Variants in NXPE2 observed in about 807,000 individuals in gnomAD.
NXPE2 encodes the protein NXPE family member 2.
Under a neutral mutation model 34.4 loss-of-function variants are expected in NXPE2, and 34 were observed. The observed-to-expected ratio is 0.99, with a 90% CI of 0.75 to 1.31. The LOEUF (loss-of-function observed/expected upper bound fraction) is 1.31, where lower values mean the gene tolerates loss of function less well. Ranked by LOEUF, NXPE2 falls within the 40% of genes most tolerant of loss-of-function variation. The pLI is 0.00. For synonymous variants in NXPE2, 235 were observed against 231.3 expected, an observed-to-expected ratio of 1.02 and a Z score of -0.15; for missense variants, 649 against 672.5, an observed-to-expected ratio of 0.97 and a Z score of 0.39.
At chr11:114,592,958 A>C in the NXPE2 span, among the ~76,000 whole-genome samples, 1 of 152,270 alleles carries the variant, frequency 6.6e-6, no homozygotes, top group South Asian at 2.1e-4. Context: ...GGTGCTGGAG[A>C]AACTGAATAT....
chr11:114,577,008 G>C, the NXPE2 span, among the ~76,000 whole-genome samples: 8 of 10,442 alleles, frequency 7.7e-4, no homozygotes, highest in Non-Finnish European at 1.3e-3. Context: ...TATATATAAA[G>C]TTATATATAT....
the NXPE2 span, chr11:114,522,517 A>G: frequency 1.6e-5 from 25 of 1,557,144 alleles, no homozygotes; most frequent in Non-Finnish European, 2.2e-5. Flanking sequence ...ATAAAAAAAC[A>G]AATAGATGTT....
chr11:114,535,630 A>G, the NXPE2 span, among the ~76,000 whole-genome samples: 1 of 152,224 alleles, frequency 6.6e-6, no homozygotes, highest in Non-Finnish European at 1.5e-5. Context: ...AGGGATTGCA[A>G]TCCTAGTCTC....
chr11:114,615,458 G>A, the NXPE2 span, among the ~76,000 whole-genome samples: 1 of 152,002 alleles, frequency 6.6e-6, no homozygotes, highest in African/African-American at 2.4e-5. Context: ...GTTACCCAGT[G>A]GATAATAAGT....
the NXPE2 span, among the ~76,000 whole-genome samples, chr11:114,651,561 G>A: frequency 6.6e-6 from 1 of 152,172 alleles, no homozygotes; most frequent in African/African-American, 2.4e-5. Flanking sequence ...GGCTTTGCTG[G>A]CCAGCCTTTA....
chr11:114,551,360 A>C, the NXPE2 span: 1 of 1,412,900 alleles, frequency 7.1e-7, no homozygotes, highest in South Asian at 1.6e-5. Context: ...CTAACAACTC[A>C]TACCCCCAAT....
chr11:114,633,845 A>G, the NXPE2 span, among the ~76,000 whole-genome samples: 11 of 152,010 alleles, frequency 7.2e-5, no homozygotes, highest in African/African-American at 2.4e-4. Flanking sequence ...GTGCCACATT[A>G]TCTTAATCCA....
At chr11:114,771,419 G>A in the NXPE2 span, among the ~76,000 whole-genome samples, 1 of 150,588 alleles carries the variant, frequency 6.6e-6, no homozygotes, top group Admixed American at 6.6e-5. Context: ...GTTGTTTTCA[G>A]CATCAGCTCA....
At chr11:114,698,840 T>C (rs1300628729) in intron 3 of NXPE2, 62 bp downstream of exon 3, 1 of 1,413,478 alleles carries the variant, frequency 7.1e-7, no homozygotes, top group South Asian at 1.5e-5. Context: ...CTCTGCCTAG[T>C]AGTTTTGCCT....
the NXPE2 span, among the ~76,000 whole-genome samples, chr11:114,712,423 T>TA: frequency 6.6e-6 from 1 of 151,472 alleles, no homozygotes; most frequent in African/African-American, 2.4e-5. Flanking sequence ...CCAGAATATG[T>TA]AAAAAAACAA....
the NXPE2 span, among the ~76,000 whole-genome samples, chr11:114,516,574 T>C: frequency 5.5e-4 from 83 of 152,100 alleles, no homozygotes; most frequent in Admixed American, 1.2e-3. Context: ...GCAAGCCTTA[T>C]TATTATTATT....
the NXPE2 span, chr11:114,571,399 T>C: frequency 1.2e-6 from 2 of 1,613,752 alleles, no homozygotes; most frequent in Non-Finnish European, 8.5e-7. Context: ...CACTGGATGT[T>C]GATGTTCCTA....
the NXPE2 span, among the ~76,000 whole-genome samples, chr11:114,655,228 T>C: frequency 6.6e-6 from 1 of 152,234 alleles, no homozygotes; most frequent in Non-Finnish European, 1.5e-5. Flanking sequence ...ATATTAAACC[T>C]TTGTCAGATG....
the NXPE2 span, among the ~76,000 whole-genome samples, chr11:114,636,280 G>A: frequency 1.3e-5 from 2 of 152,134 alleles, no homozygotes; most frequent in East Asian, 3.9e-4. Flanking sequence ...TCTGATGGTA[G>A]TTTGTATTTC....
At chr11:114,480,214 A>C in the NXPE2 span, among the ~76,000 whole-genome samples, 20 of 140,632 alleles carry the variant, frequency 1.4e-4, no homozygotes, top group Non-Finnish European at 2.4e-4. Context: ...GAAGACCCAG[A>C]AGGAAGCCAG....
chr11:114,542,565 G>A, the NXPE2 span, among the ~76,000 whole-genome samples: 2 of 152,106 alleles, frequency 1.3e-5, no homozygotes, highest in Admixed American at 6.6e-5. Context: ...AAAAATTGGT[G>A]GGGGAGTGGG....
chr11:114,487,304 T>C, the NXPE2 span, among the ~76,000 whole-genome samples: 3 of 152,304 alleles, frequency 2.0e-5, no homozygotes, highest in South Asian at 4.1e-4. Context: ...TGTTTACTAT[T>C]GGTATACAGA....
At chr11:114,626,299 G>A in the NXPE2 span, among the ~76,000 whole-genome samples, 1 of 152,208 alleles carries the variant, frequency 6.6e-6, no homozygotes, top group African/African-American at 2.4e-5. Flanking sequence ...GAAGAGAGCA[G>A]TGGTTCTCCT....
the NXPE2 span, among the ~76,000 whole-genome samples, chr11:114,574,736 T>G: frequency 6.6e-6 from 1 of 151,916 alleles, no homozygotes; most frequent in Non-Finnish European, 1.5e-5. Context: ...TCAGGATAGA[T>G]TCACAGCTGA....
Sources: gnomAD v4.1 joint callset for allele counts (sites outside exome capture counted in the v4.1 genomes callset) on GRCh38, gnomAD v4.1.1 for gene constraint, MANE v1.5 for transcripts, NCBI Gene and HGNC (gene_info 2026-07-23, HGNC 2026-07-21) for gene names.